CENPE: variants seen among roughly 807,000 people sequenced by gnomAD.
CENPE encodes the protein centromere protein E, also known as centromere-associated protein E.
CENPE carries 145 observed loss-of-function variants against 336.1 expected under a neutral mutation model. The observed-to-expected ratio is 0.43, with a 90% CI of 0.38 to 0.50. The LOEUF is 0.50. Ranked by LOEUF, CENPE falls within the 20% of genes least tolerant of loss-of-function variation. CENPE has a pLI of 0.00. For missense variants in CENPE, 2,719 were observed against 3,023.3 expected (o/e 0.90, Z 2.36); for synonymous variants, 1,013 against 984.8 (o/e 1.03, Z -0.54).
rs1193177483 is a variant in CENPE, at chr4:103,147,370, C to G, written c.4120G>C (p.Glu1374Gln). ...KHDQLKEHIR[E>Q]TLAKIQESQS... Reference sequence around the variant, plus strand: ...ACGAAACTTACTTTAGCCAAAGTTTCTCTAATATGTTCTTTCAGCTGGTCA... The same window carrying G: ...ACGAAACTTACTTTAGCCAAAGTTTGTCTAATATGTTCTTTCAGCTGGTCA... The change falls in exon 29 of 49, where the codon GAA becomes CAA. Residue 1374 changes from glutamate (E) to glutamine (Q), a missense_variant. Glu to Gln is a conservative substitution (Grantham distance 29). This residue lies in a region of CENPE where 2,437 missense variants were observed against 2,513.3 expected (regional missense o/e 0.97). Transcript: ENST00000265148. The G allele has an allele frequency of 6.3e-7, 1 of 1,598,760 alleles. No homozygotes were observed. Among genetic ancestry groups the G allele is most frequent in the Admixed American group, 1.8e-5 (1 of 57,004 alleles).
chr4:103,196,113 C>T (rs1757712799), intron 3 of CENPE, 50 bp downstream of exon 3: 5 of 1,583,892 alleles, frequency 3.2e-6, no homozygotes, highest in Non-Finnish European at 4.3e-6. Flanking sequence ...ATGCTTGTTG[C>T]ACAGACGCCC....
Position 103,196,835 on chromosome 4 carries a change from T to A in CENPE, c.72A>T (p.Gly24=). The A allele has an allele frequency of 2.6e-6, 4 of 1,555,096 alleles. No homozygotes were observed. In the South Asian group the frequency reaches 4.5e-5, roughly 18 times the overall value. The change falls in exon 2 of 49, where the codon GGA becomes GGT. Residue 24 remains glycine (G), a synonymous_variant. Coordinates refer to ENST00000265148, the MANE Select transcript of CENPE (RefSeq NM_001813.3). ...RPLNSREESL[G]ETAQVYWKTD... ...TTTTCCAGTAAACTTGGGCAGTTTCTCCAAGTGATTCTTCTCTAAAAGAAT... is the reference window on the plus strand; with the variant it reads ...TTTTCCAGTAAACTTGGGCAGTTTCACCAAGTGATTCTTCTCTAAAAGAAT...
chr4:103,148,968 G>A lies in CENPE; in HGVS notation c.3719C>T (p.Ala1240Val), dbSNP rs1216546462. ...TTGGTGTTCTTTTAGGTGAATATGA[G>A]CAATTTTTAGTTCTTCTTTGGTTTG... Reference protein sequence around the residue: ...GLQTKEELKIAHIHLKEHQET... With the variant: ...GLQTKEELKIVHIHLKEHQET... The change falls in exon 28 of 49, where the codon GCT (alanine) becomes GTT (valine). Residue 1240 changes from alanine to valine, a missense_variant. Coordinates refer to ENST00000265148, the MANE Select transcript of CENPE (RefSeq NM_001813.3). 4 of 1,613,456 alleles carry A rather than the reference G, an allele frequency of 2.5e-6. No homozygotes were observed. Among genetic ancestry groups the A allele is most frequent in the East Asian group, 4.5e-5 (2 of 44,832 alleles).
intron 16 of CENPE, among the ~76,000 whole-genome samples, chr4:103,164,088 C>G (rs1021043167): frequency 6.6e-6 from 1 of 152,058 alleles, no homozygotes; most frequent in Non-Finnish European, 1.5e-5. Flanking sequence ...AATATTATTA[C>G]TTTTCACCAG....
chr4:103,112,167 T>C (rs1038990022), intron 46 of CENPE, among the ~76,000 whole-genome samples: 23 of 150,594 alleles, frequency 1.5e-4, no homozygotes, highest in South Asian at 4.2e-4. Flanking sequence ...TGCATATATA[T>C]GTGTATACAC....
intron 45 of CENPE, chr4:103,116,296 G>T: frequency 5.7e-6 from 1 of 176,942 alleles, no homozygotes; most frequent in Non-Finnish European, 1.1e-5. Context: ...TTCACTTTCA[G>T]GCATACAAAA....
rs186947885 is a variant in CENPE, at chr4:103,147,423, G to A, written c.4067C>T (p.Thr1356Met). The change falls in exon 29 of 49, where the codon ACG (threonine) becomes ATG (methionine). Residue 1356 changes from threonine to methionine, a missense_variant. Physicochemically the swap from Thr to Met is moderately conservative, Grantham distance 81. Transcript: ENST00000265148. ...SLTKERDNLK[T>M]IKEALEVKHD... ...TTTAACTTCAAGGGCTTCTTTTATC[G>A]TTTTAAGGTTGTCTCTTTCCTTGGT... 1.6e-5 allele frequency: 26 copies of A among 1,613,660 alleles called. No homozygotes were observed. The highest frequency in any genetic ancestry group is 1.3e-4 in the East Asian group (6 of 44,856).
At position 103,120,134 on chromosome 4, in the gene CENPE, T is replaced by A. The variant is rs1750484748; in HGVS notation, c.7329+14A>T. 6.4e-7 allele frequency: 1 copy of A among 1,552,218 alleles called. No individual in the cohort carries two copies. Among genetic ancestry groups the A allele is most frequent in the African/African-American group, 1.4e-5 (1 of 72,546 alleles). ...CAAACAAACAAACAACTTTTATTTT[T>A]ATGTTTAAGTTACCTGAAGTACTTG... On this transcript the variant is annotated intron_variant, in intron 44 of 48. Coordinates refer to ENST00000265148, the MANE Select transcript of CENPE (RefSeq NM_001813.3).
intron 1 of CENPE, among the ~76,000 whole-genome samples, chr4:103,197,665 T>A (rs1204743192): frequency 1.3e-5 from 2 of 152,208 alleles, no homozygotes; most frequent in Non-Finnish European, 2.9e-5. Context: ...CTCTTCCTGC[T>A]TTTTCTCCCT....
chr4:103,149,520 A>C, intron 26 of CENPE, 112 bp from the exon 27 acceptor site: 1 of 924,658 alleles, frequency 1.1e-6, no homozygotes, highest in Non-Finnish European at 1.6e-6. Context: ...AAGTAGCATT[A>C]AAAGTAAATG....
intron 40 of CENPE, among the ~76,000 whole-genome samples, chr4:103,135,784 T>C (rs1334231510): frequency 6.6e-6 from 1 of 152,198 alleles, no homozygotes; most frequent in East Asian, 1.9e-4. Context: ...TGTTATTGAG[T>C]CTGGCTTCTA....
chr4:103,150,605 A>G (rs1753462246), intron 26 of CENPE, among the ~76,000 whole-genome samples: 1 of 152,084 alleles, frequency 6.6e-6, no homozygotes, highest in Non-Finnish European at 1.5e-5. Flanking sequence ...GGAGGAAAGA[A>G]AAAAGAAAAA....
intron 8 of CENPE, among the ~76,000 whole-genome samples, chr4:103,187,678 T>C (rs1163461088): frequency 1.3e-5 from 2 of 152,092 alleles, no homozygotes; most frequent in Non-Finnish European, 2.9e-5. Flanking sequence ...CAACCGGTAA[T>C]AGCCACTGCA....
intron 24 of CENPE, among the ~76,000 whole-genome samples, chr4:103,156,705 C>A (rs1473156770): frequency 6.6e-6 from 1 of 151,768 alleles, no homozygotes; most frequent in Non-Finnish European, 1.5e-5. Flanking sequence ...AAAACACAGG[C>A]AACAAGAGTA....
intron 33 of CENPE, 98 bp from the exon 34 acceptor site, chr4:103,143,504 T>C: frequency 1.3e-6 from 1 of 767,784 alleles, no homozygotes; most frequent in Non-Finnish European, 2.2e-6. Flanking sequence ...TCCACCCTCT[T>C]CTGAGGCCTC....
intron 22 of CENPE, 60 bp from the exon 23 acceptor site, chr4:103,158,946 A>G: frequency 6.5e-7 from 1 of 1,542,732 alleles, no homozygotes; most frequent in Non-Finnish European, 8.7e-7. Flanking sequence ...AGGCATACAT[A>G]TATACAGAAA....
intron 42 of CENPE, among the ~76,000 whole-genome samples, chr4:103,128,440 T>C (rs1355236193): frequency 3.9e-5 from 6 of 152,158 alleles, no homozygotes; most frequent in African/African-American, 1.4e-4. Flanking sequence ...ATCTATTGAC[T>C]ACTTCATCCA....
intron 46 of CENPE, among the ~76,000 whole-genome samples, chr4:103,113,999 CT>C (rs939726535): frequency 3.3e-5 from 5 of 151,908 alleles, no homozygotes; most frequent in African/African-American, 1.2e-4. Context: ...TTTCAAAGAC[CT>C]TTGCAAGTAA....
At chr4:103,140,712 T>C (rs1402878297) in intron 36 of CENPE, 102 bp downstream of exon 36, 2 of 940,648 alleles carry the variant, frequency 2.1e-6, no homozygotes, top group Non-Finnish European at 1.6e-6. Flanking sequence ...ACACTTAGAT[T>C]ATTTCTAGGT....
Sources: gnomAD v4.1 joint callset for allele counts (sites outside exome capture counted in the v4.1 genomes callset) on GRCh38, gnomAD v4.1.1 for gene constraint, gnomAD v4.1.1 regional missense constraint, MANE v1.5 for transcripts, NCBI Gene and HGNC (gene_info 2026-07-23, HGNC 2026-07-21) for gene names.